Variants in POLH observed in about 807,000 individuals in gnomAD.
POLH encodes DNA polymerase eta transcript.
In POLH, 53 loss-of-function variants were observed where a neutral mutation model predicts 73.6. The ratio of observed to expected loss-of-function variants is 0.72; its 90% CI spans 0.58 to 0.91. The LOEUF is 0.91. Ranked by LOEUF, POLH falls within the 40% of genes least tolerant of loss-of-function variation. The pLI is 0.00. For missense variants in POLH, 768 were observed against 865.4 expected, an observed-to-expected ratio of 0.89 and a Z score of 1.41; for synonymous variants, 292 against 308.5, an observed-to-expected ratio of 0.95 and a Z score of 0.56.
At chr6:43,604,519 A>G in intron 7 of POLH, 96 bp from the exon 8 acceptor site, 2 of 1,374,490 alleles carry the variant, frequency 1.5e-6, no homozygotes, top group Non-Finnish European at 2.0e-6. Flanking sequence ...TTTTTCATGA[A>G]AAAGATAAAA....
At chr6:43,587,998 A>G (rs1399613793) in intron 4 of POLH, among the ~76,000 whole-genome samples, 1 of 152,176 alleles carries the variant, frequency 6.6e-6, no homozygotes, top group Admixed American at 6.5e-5. Context: ...TCGCCACTGC[A>G]CTCCAGCCTA....
intron 9 of POLH, among the ~76,000 whole-genome samples, chr6:43,608,557 G>A (rs1455930688): frequency 6.6e-6 from 1 of 152,158 alleles, no homozygotes; most frequent in Non-Finnish European, 1.5e-5. Context: ...GGTCTTGGCT[G>A]TCATCCGTGC....
chr6:43,587,252 A>C lies in POLH; in HGVS notation c.273-20A>C, dbSNP rs1219612575. The C allele has an allele frequency of 6.3e-7, 1 of 1,594,498 alleles. No individual in the cohort carries two copies. Among genetic ancestry groups the C allele is most frequent in the East Asian group, 2.2e-5 (1 of 44,788 alleles). On this transcript the variant is annotated intron_variant, in intron 3 of 10. Transcript: ENST00000372236. ...TTGCCTCTGTTTATTGCCTGCATGAATGATCCTTATACTTCTTAGGTACCG... is the reference window on the plus strand; with the variant it reads ...TTGCCTCTGTTTATTGCCTGCATGACTGATCCTTATACTTCTTAGGTACCG...
intron 5 of POLH, among the ~76,000 whole-genome samples, chr6:43,598,612 C>T (rs948967863): frequency 2.0e-5 from 3 of 147,444 alleles, no homozygotes; most frequent in South Asian, 2.1e-4. Flanking sequence ...CCAGCCTGGG[C>T]GACAGAGCAA....
intron 4 of POLH, among the ~76,000 whole-genome samples, chr6:43,588,958 C>T (rs566501964): frequency 6.6e-6 from 1 of 152,162 alleles, no homozygotes; most frequent in South Asian, 2.1e-4. Flanking sequence ...CTGCCTCAGC[C>T]TCCTGAGTAG....
At chr6:43,583,741 G>T (rs567414162) in intron 3 of POLH, among the ~76,000 whole-genome samples, 1 of 152,236 alleles carries the variant, frequency 6.6e-6, no homozygotes, top group East Asian at 1.9e-4. Flanking sequence ...CTCTCTATAG[G>T]CAATATCTCT....
rs994003893 is a variant in POLH at position 43,617,794 on chromosome 6, G to A, written c.*3237G>A. Among the ~76,000 whole-genome samples the A allele has an allele frequency of 2.0e-5, 3 of 152,144 alleles. No homozygotes were observed. Among genetic ancestry groups the A allele is most frequent in the African/African-American group, 7.2e-5 (3 of 41,424 alleles). The stretch of plus-strand genomic sequence containing the variant: ...AATACAACTGGGCGTGGTGGTGCAC[G>A]CCTGTAGTCCCAGCTACTTGGGAGG... On this transcript the variant is annotated 3_prime_UTR_variant, in exon 11 of 11. Coordinates refer to ENST00000372236, the MANE Select transcript of POLH (RefSeq NM_006502.3).
At chr6:43,611,392 T>A (rs1767866167) in intron 10 of POLH, among the ~76,000 whole-genome samples, 1 of 152,208 alleles carries the variant, frequency 6.6e-6, no homozygotes, top group South Asian at 2.1e-4. Flanking sequence ...CTATCTGACA[T>A]CCCAACTCAG....
intron 4 of POLH, among the ~76,000 whole-genome samples, chr6:43,590,122 G>A (rs376812744): frequency 6.6e-6 from 1 of 151,754 alleles, no homozygotes; most frequent in Non-Finnish European, 1.5e-5. Context: ...ACTTTGGGAG[G>A]CCGAGGTGGG....
intron 4 of POLH, 124 bp from the exon 5 acceptor site, chr6:43,597,572 C>A: frequency 1.2e-6 from 1 of 866,378 alleles, no homozygotes; most frequent in Non-Finnish European, 1.8e-6. Flanking sequence ...TCTAAGCTGG[C>A]TGCCATTTTT....
chr6:43,592,706 C>G (rs375811194), intron 4 of POLH, among the ~76,000 whole-genome samples: 2 of 152,148 alleles, frequency 1.3e-5, no homozygotes, highest in Admixed American at 6.6e-5. Flanking sequence ...TCAGCCACTA[C>G]GCCTGGCCTT....
At chr6:43,581,620 G>A (rs960929885) in intron 1 of POLH, among the ~76,000 whole-genome samples, 1 of 146,144 alleles carries the variant, frequency 6.8e-6, no homozygotes, top group Non-Finnish European at 1.5e-5. Context: ...TCGCCGGCGC[G>A]GCGGCAAAGA....
chr6:43,609,503 T>C (rs1176285963), intron 9 of POLH, among the ~76,000 whole-genome samples: 5 of 152,230 alleles, frequency 3.3e-5, no homozygotes, highest in African/African-American at 1.2e-4. Flanking sequence ...ATTTTCACCT[T>C]CTTATATTTC....
chr6:43,589,700 A>C (rs951105055), intron 4 of POLH, among the ~76,000 whole-genome samples: 6 of 144,980 alleles, frequency 4.1e-5, no homozygotes, highest in African/African-American at 1.6e-4. Context: ...AGTGGCTATC[A>C]GTCGCTATTC....
chr6:43,585,641 T>TC (rs1355693353), intron 3 of POLH, among the ~76,000 whole-genome samples: 36 of 149,242 alleles, frequency 2.4e-4, no homozygotes, highest in Non-Finnish European at 1.8e-4. Context: ...TCTTTTCTTT[T>TC]TTTTTTTTTT....
At chr6:43,577,520 C>T (rs975160077) in intron 1 of POLH, among the ~76,000 whole-genome samples, 1 of 151,712 alleles carries the variant, frequency 6.6e-6, no homozygotes, top group Admixed American at 6.6e-5. Context: ...TAGGCGTGGT[C>T]GATTGGAATT....
intron 10 of POLH, 96 bp downstream of exon 10, chr6:43,610,819 T>C: frequency 9.6e-7 from 1 of 1,041,230 alleles, no homozygotes; most frequent in Admixed American, 2.0e-5. Context: ...AAGTTCCTCA[T>C]TGTGTCTAAT....
At chr6:43,594,278 T>C (rs1345694451) in intron 4 of POLH, among the ~76,000 whole-genome samples, 1 of 152,194 alleles carries the variant, frequency 6.6e-6, no homozygotes, top group African/African-American at 2.4e-5. Flanking sequence ...CCAAAGCTAA[T>C]ATATACTAGT....
At position 43,618,488 on chromosome 6, in the gene POLH, G is replaced by A. The variant is rs1286989746; in HGVS notation, c.*3931G>A. Among the ~76,000 whole-genome samples the A allele has an allele frequency of 6.6e-6, 1 of 152,048 alleles. No homozygotes were observed. The highest frequency in any genetic ancestry group is 1.5e-5 in the Non-Finnish European group (1 of 68,000). On this transcript the variant is annotated 3_prime_UTR_variant, in exon 11 of 11. Coordinates refer to ENST00000372236, the MANE Select transcript of POLH (RefSeq NM_006502.3). ...ATTCTTATTCTCCACTCTTGTGTGT[G>A]AAAAGTCAGCTCTTTTGGCTTTTCT...
Sources: allele counts gnomAD v4.1 joint callset (sites outside exome capture counted in the v4.1 genomes callset), GRCh38; gene constraint gnomAD v4.1.1; transcripts MANE v1.5; gene names NCBI Gene and HGNC (gene_info 2026-07-23, HGNC 2026-07-21).